Variants in ROCK2 observed in about 807,000 individuals in gnomAD.
The protein encoded by ROCK2 is Rho associated coiled-coil containing protein kinase 2.
ROCK2 carries 61 observed loss-of-function variants against 195.1 expected under a neutral mutation model. The observed-to-expected ratio is 0.31, with a 90% CI of 0.25 to 0.39. The LOEUF (loss-of-function observed/expected upper bound fraction) is 0.39, where lower values mean the gene tolerates loss of function less well. Among genes scored for constraint, ROCK2 ranks in the 10% least tolerant of loss-of-function variants. The probability of loss-of-function intolerance (pLI) is 1.00; values close to 1 mark genes in which losing one functional copy is unlikely to be tolerated. For missense variants in ROCK2, 1,109 were observed against 1,637.4 expected (o/e 0.68, Z 5.57); for synonymous variants, 504 against 545.5 (o/e 0.92, Z 1.06).
At chr2:11,272,320 TACAC>T (rs983707472) in intron 3 of ROCK2, among the ~76,000 whole-genome samples, 3 of 152,100 alleles carry the variant, frequency 2.0e-5, no homozygotes, top group African/African-American at 7.2e-5. Flanking sequence ...TAAAGGTAAA[TACAC>T]ACACAATTAT....
At chr2:11,308,656 A>G (rs922818422) in intron 1 of ROCK2, 2 of 1,470,318 alleles carry the variant, frequency 1.4e-6, no homozygotes, top group African/African-American at 1.4e-5. Context: ...TGGCTTCAAG[A>G]AAAGAAGATA....
intron 1 of ROCK2, among the ~76,000 whole-genome samples, chr2:11,309,600 C>A (rs1184801183): frequency 6.6e-6 from 1 of 151,990 alleles, no homozygotes; most frequent in Admixed American, 6.6e-5. Context: ...CCATCTCCAC[C>A]AAAAAATTGT....
At chr2:11,265,489 G>C (rs1216953686) in intron 3 of ROCK2, among the ~76,000 whole-genome samples, 1 of 152,090 alleles carries the variant, frequency 6.6e-6, no homozygotes, top group African/African-American at 2.4e-5. Flanking sequence ...AAAATGATTA[G>C]GAGAAAATAT....
chr2:11,330,770 G>GGAGGGAGGAGGAGGAGGGAGGAGGAA (rs1668703608), intron 1 of ROCK2, among the ~76,000 whole-genome samples: 1 of 86,686 alleles, frequency 1.2e-5, no homozygotes, highest in Non-Finnish European at 2.4e-5. Flanking sequence ...GGGAGGAGGA[G>GGAGGGAGGAGGAGGAGGGAGGAGGAA]GAGGGAGGGA....
intron 1 of ROCK2, among the ~76,000 whole-genome samples, chr2:11,335,866 G>A (rs1057354372): frequency 6.6e-6 from 1 of 152,144 alleles, no homozygotes; most frequent in African/African-American, 2.4e-5. Flanking sequence ...CCTGGTAACA[G>A]AGAATTTCCT....
At position 11,235,104 on chromosome 2, in the gene ROCK2, G is replaced by C. The variant is rs1314526828; in HGVS notation, c.723+598C>G. 6.6e-6 allele frequency among the ~76,000 whole-genome samples: 1 copy of C among 152,120 alleles called. No individual in the cohort carries two copies. The highest frequency in any genetic ancestry group is 1.5e-5 in the Non-Finnish European group (1 of 67,980). On this transcript the variant is annotated intron_variant, in intron 5 of 32. Coordinates refer to ENST00000315872, the MANE Select transcript of ROCK2 (RefSeq NM_004850.5). The surrounding 1 kb of genome is among the most constrained non-coding windows in gnomAD (Gnocchi z 4.2). ...GAATTACTTACTGCACACTTACAGA[G>C]AAAAGGGCAAGATATATAAATTTTA...
rs373787011 is a variant in ROCK2 at position 11,197,145 on chromosome 2, T to G, written c.3448+35A>C. The G allele has an allele frequency of 6.9e-5, 102 of 1,470,188 alleles. 2 individuals are homozygous for G. In the East Asian group the frequency reaches 1.0e-3, roughly 15 times the overall value. 91.1% of individuals were successfully genotyped at this position (1,470,188 alleles called of 1,614,324 possible). A position where few individuals can be genotyped will look rare whatever the true frequency, so the allele number is the denominator to read the frequency against. ...TTAAAACAATCAACTGATTTATATTTAAGATAAATATTAGTGCTGAAAACA... is the reference window on the plus strand; with the variant it reads ...TTAAAACAATCAACTGATTTATATTGAAGATAAATATTAGTGCTGAAAACA... On this transcript the variant is annotated intron_variant, in intron 27 of 32. Transcript: ENST00000315872. This position sits in a 1 kb window ranked among gnomAD's most constrained non-coding sequence, Gnocchi z 4.9.
chr2:11,287,522 T>C, intron 2 of ROCK2, 133 bp downstream of exon 2: 1 of 365,224 alleles, frequency 2.7e-6, no homozygotes, highest in Non-Finnish European at 5.1e-6. Flanking sequence ...ATAAATCAAA[T>C]GGTAAGCAAA....
intron 4 of ROCK2, among the ~76,000 whole-genome samples, chr2:11,248,721 A>AAAG (rs1665716695): frequency 6.8e-6 from 1 of 147,880 alleles, no homozygotes; most frequent in Admixed American, 6.7e-5. Flanking sequence ...AAAAAAAAAA[A>AAAG]AAAAAAAAAA....
At chr2:11,239,765 G>A (rs1466549423) in intron 4 of ROCK2, among the ~76,000 whole-genome samples, 1 of 152,182 alleles carries the variant, frequency 6.6e-6, no homozygotes, top group Non-Finnish European at 1.5e-5. Flanking sequence ...GAAGAGCTCA[G>A]TCTTCTACAA....
At chr2:11,295,174 T>C (rs936102153) in intron 1 of ROCK2, among the ~76,000 whole-genome samples, 3 of 151,990 alleles carry the variant, frequency 2.0e-5, no homozygotes, top group Non-Finnish European at 4.4e-5. Flanking sequence ...AAAAATTACA[T>C]ACAATGTTAC....
At chr2:11,305,944 C>T (rs926607765) in intron 1 of ROCK2, among the ~76,000 whole-genome samples, 1 of 152,068 alleles carries the variant, frequency 6.6e-6, no homozygotes, top group Non-Finnish European at 1.5e-5. Flanking sequence ...ACACATAAGC[C>T]AGTATGAAAG....
intron 32 of ROCK2, among the ~76,000 whole-genome samples, chr2:11,187,202 C>G (rs918132953): frequency 3.9e-5 from 6 of 152,194 alleles, no homozygotes; most frequent in African/African-American, 1.2e-4. Context: ...TCTTCACTTT[C>G]CATGGTTTCA....
At chr2:11,242,829 T>C (rs1665475141) in intron 4 of ROCK2, among the ~76,000 whole-genome samples, 2 of 152,172 alleles carry the variant, frequency 1.3e-5, no homozygotes, top group Admixed American at 1.3e-4. Context: ...ACCCTGCACA[T>C]GTAATGACAT....
intron 32 of ROCK2, chr2:11,184,646 T>C (rs1464304169): frequency 1.0e-6 from 1 of 985,174 alleles, no homozygotes; most frequent in African/African-American, 1.7e-5. Context: ...AAATAACTGA[T>C]TTTTCATTTT....
chr2:11,286,446 G>T, intron 3 of ROCK2, 93 bp downstream of exon 3: 1 of 758,950 alleles, frequency 1.3e-6, no homozygotes, highest in Non-Finnish European at 2.2e-6. Context: ...TGGCATGGGT[G>T]GGCATAGAAA....
At chr2:11,298,544 A>G (rs572690222) in intron 1 of ROCK2, among the ~76,000 whole-genome samples, 1 of 151,758 alleles carries the variant, frequency 6.6e-6, no homozygotes, top group African/African-American at 2.4e-5. Flanking sequence ...CATTGTGCTT[A>G]GACATTTTCA....
At chr2:11,234,618 A>T (rs1665139042) in intron 5 of ROCK2, 2 of 152,146 alleles carry the variant, frequency 1.3e-5, no homozygotes, top group African/African-American at 2.4e-5. Context: ...CCAAAAATAT[A>T]TAGGGATATT....
At chr2:11,283,187 G>C (rs531870755) in intron 3 of ROCK2, among the ~76,000 whole-genome samples, 13 of 150,808 alleles carry the variant, frequency 8.6e-5, no homozygotes, top group African/African-American at 3.2e-4. Flanking sequence ...AGAATCACTG[G>C]AACTCAGGAG....
Sources: allele counts gnomAD v4.1 joint callset (sites outside exome capture counted in the v4.1 genomes callset), GRCh38; gene constraint gnomAD v4.1.1; non-coding constraint Gnocchi (gnomAD v3.1); transcripts MANE v1.5; gene names NCBI Gene and HGNC (gene_info 2026-07-23, HGNC 2026-07-21).